The following FNBP1 variants were observed in gnomAD, a reference collection of about 807,000 sequenced individuals.
The protein encoded by FNBP1 is formin binding protein 1, also known as formin-binding protein 1.
Under a neutral mutation model 90.6 loss-of-function variants are expected in FNBP1, and 26 were observed. The observed-to-expected ratio is 0.29, with a 90% CI of 0.21 to 0.40. FNBP1 has a LOEUF of 0.40. Among genes scored for constraint, FNBP1 ranks in the 10% least tolerant of loss-of-function variants. FNBP1 has a pLI of 1.00. For missense variants in FNBP1, 635 were observed against 768.0 expected (o/e 0.83, Z 2.05); for synonymous variants, 260 against 265.2 (o/e 0.98, Z 0.19).
rs1432446678 is a variant in FNBP1, at chr9:129,887,710, A to G, written c.*2829T>C. 9.0e-6 allele frequency: 2 copies of G among 222,382 alleles called. No individual in the cohort carries two copies. The highest frequency in any genetic ancestry group is 1.8e-4 in the South Asian group (1 of 5,454). 13.8% of individuals were successfully genotyped at this position (222,382 alleles called of 1,614,324 possible). A position where few individuals can be genotyped will look rare whatever the true frequency, so the allele number is the denominator to read the frequency against. ...TACTTTCCCATCCTACAAAGGAAAA[A>G]CTGGGTAAAGGACAAGTTCCTCCCT... On this transcript the variant is annotated 3_prime_UTR_variant, in exon 17 of 17. Transcript: ENST00000446176.
At chr9:129,933,993 C>T (rs1283029929) in intron 6 of FNBP1, among the ~76,000 whole-genome samples, 2 of 152,100 alleles carry the variant, frequency 1.3e-5, no homozygotes, top group African/African-American at 2.4e-5. Context: ...ATTTAAGAGT[C>T]GCTAAAACTA....
At chr9:129,945,253 TTATAA>T (rs1403412022) in intron 6 of FNBP1, among the ~76,000 whole-genome samples, 1 of 152,226 alleles carries the variant, frequency 6.6e-6, no homozygotes, top group African/African-American at 2.4e-5. Context: ...TTGGTAATAC[TTATAA>T]TAAAATTCTT....
intron 6 of FNBP1, among the ~76,000 whole-genome samples, chr9:129,950,471 A>C (rs2045992322): frequency 6.6e-6 from 1 of 152,202 alleles, no homozygotes; most frequent in Non-Finnish European, 1.5e-5. Flanking sequence ...AAAAGTCCTA[A>C]AATCACCTTT....
intron 13 of FNBP1, among the ~76,000 whole-genome samples, chr9:129,902,060 A>T (rs1283443300): frequency 6.6e-6 from 1 of 152,094 alleles, no homozygotes; most frequent in African/African-American, 2.4e-5. Context: ...TTTTGTTGAC[A>T]GCTTTTGAGT....
intron 2 of FNBP1, among the ~76,000 whole-genome samples, chr9:129,986,252 A>G (rs2052217414): frequency 6.6e-6 from 1 of 152,140 alleles, no homozygotes; most frequent in Admixed American, 6.6e-5. Context: ...ATAAGCAAAA[A>G]TCACCCTCCT....
At chr9:129,898,389 C>A (rs2036194844) in intron 15 of FNBP1, among the ~76,000 whole-genome samples, 3 of 152,180 alleles carry the variant, frequency 2.0e-5, no homozygotes, top group Admixed American at 1.3e-4. Flanking sequence ...TGGCCACACC[C>A]CCCATGCCAT....
chr9:129,894,668 C>A (rs113454808), intron 16 of FNBP1, among the ~76,000 whole-genome samples: 3 of 152,314 alleles, frequency 2.0e-5, no homozygotes, highest in African/African-American at 7.2e-5. Context: ...AGAAACCGAA[C>A]CAAGTGTGAG....
intron 10 of FNBP1, among the ~76,000 whole-genome samples, chr9:129,921,566 C>G (rs2041112964): frequency 1.3e-5 from 2 of 152,032 alleles, no homozygotes; most frequent in African/African-American, 4.8e-5. Context: ...CGGACATTAA[C>G]CATGCCCGGC....
At chr9:129,988,547 T>C (rs1308585788) in intron 2 of FNBP1, among the ~76,000 whole-genome samples, 1 of 151,954 alleles carries the variant, frequency 6.6e-6, no homozygotes. Context: ...CATGGTGGTG[T>C]GCGCCTGTAG....
Position 129,965,708 on chromosome 9 carries a change from G to GCACACACA in FNBP1, c.346-7163_346-7156dup, listed in dbSNP as rs5900877. Among the ~76,000 whole-genome samples the GCACACACA allele has an allele frequency of 2.1e-3, 308 of 145,560 alleles. 2 individuals carry two copies. The highest frequency in any genetic ancestry group is 0.01 in the Middle Eastern group (3 of 290). The stretch of plus-strand genomic sequence containing the variant: ...AACACACACACACACGCGCGCGCGC[G>GCACACACA]CACACACACACACACATAGAAAGAA... On this transcript the variant is annotated intron_variant, in intron 4 of 16. Transcript: ENST00000446176.
chr9:130,029,221 T>A (rs2058603156), intron 1 of FNBP1, among the ~76,000 whole-genome samples: 1 of 151,994 alleles, frequency 6.6e-6, no homozygotes, highest in Non-Finnish European at 1.5e-5. Flanking sequence ...AGTGGTGCAG[T>A]CACTACTCAC....
intron 16 of FNBP1, among the ~76,000 whole-genome samples, chr9:129,893,537 C>T (rs1331760839): frequency 7.3e-6 from 1 of 136,720 alleles, no homozygotes; most frequent in African/African-American, 2.7e-5. Flanking sequence ...TACTTGAACT[C>T]GGGAGGCAGA....
At chr9:129,931,129 C>T (rs76554307) in intron 6 of FNBP1, among the ~76,000 whole-genome samples, 1 of 151,940 alleles carries the variant, frequency 6.6e-6, no homozygotes, top group Non-Finnish European at 1.5e-5. Flanking sequence ...CATGGTGAGA[C>T]CCCTCTCTCT....
chr9:129,998,115 G>C (rs2131372350), intron 1 of FNBP1, among the ~76,000 whole-genome samples: 1 of 142,272 alleles, frequency 7.0e-6, no homozygotes, highest in African/African-American at 2.6e-5. Flanking sequence ...AGAATCCACT[G>C]AACTCAGGAG....
chr9:129,921,165 C>G lies in FNBP1; in HGVS notation c.1170+2679G>C, dbSNP rs558036910. On this transcript the variant is annotated intron_variant, in intron 10 of 16. Coordinates refer to ENST00000446176, the MANE Select transcript of FNBP1 (RefSeq NM_015033.3). ...TTCTACCAACTATAAATTTGAGATT[C>G]TCATATTAAAAGAACTCTGCATGTG... is the stretch of plus-strand genomic sequence containing the variant. Among the ~76,000 whole-genome samples, 7 of 152,192 alleles carry G rather than the reference C, an allele frequency of 4.6e-5. 2 individuals are homozygous for G. Among genetic ancestry groups the G allele is most frequent in the African/African-American group, 1.7e-4 (7 of 41,546 alleles).
intron 1 of FNBP1, among the ~76,000 whole-genome samples, chr9:130,009,962 G>C (rs1320647464): frequency 7.2e-6 from 1 of 139,244 alleles, no homozygotes; most frequent in African/African-American, 2.7e-5. Flanking sequence ...CTGGGTGACA[G>C]AGCAAGACCC....
chr9:129,990,271 T>A (rs2052921250), intron 2 of FNBP1, among the ~76,000 whole-genome samples: 1 of 152,156 alleles, frequency 6.6e-6, no homozygotes, highest in Non-Finnish European at 1.5e-5. Context: ...ACAAGAAAAC[T>A]ATATAAAATG....
intron 1 of FNBP1, among the ~76,000 whole-genome samples, chr9:130,028,345 T>C (rs949602522): frequency 1.3e-5 from 2 of 152,216 alleles, no homozygotes; most frequent in Admixed American, 1.3e-4. Flanking sequence ...AACTGAGTAA[T>C]TCTAAACTTT....
chr9:129,925,124 C>T lies in FNBP1; in HGVS notation c.823G>A (p.Gly275Arg). 1 of 1,613,768 alleles carries T rather than the reference C, an allele frequency of 6.2e-7. No homozygotes were observed. The highest frequency in any genetic ancestry group is 8.5e-7 in the Non-Finnish European group (1 of 1,179,762). The change falls in exon 9 of 17, where the codon GGG (glycine) becomes AGG (arginine). Residue 275 changes from glycine (G) to arginine (R), a missense_variant. By Grantham distance (125) the Gly-to-Arg change is moderately radical. Transcript: ENST00000446176. ...TCAATGTCTCCAGGAGGCTCAAACCCTGATTTATAAGCTTCTATTACCAGC... is the reference window on the plus strand; with the variant it reads ...TCAATGTCTCCAGGAGGCTCAAACCTTGATTTATAAGCTTCTATTACCAGC... The part of the protein sequence containing the change: ...SQLVIEAYKS[G>R]FEPPGDIEFE...
Sources: allele counts gnomAD v4.1 joint callset (sites outside exome capture counted in the v4.1 genomes callset), GRCh38; gene constraint gnomAD v4.1.1; transcripts MANE v1.5; gene names NCBI Gene and HGNC (gene_info 2026-07-23, HGNC 2026-07-21).